HSD17B11: variants seen among roughly 807,000 people sequenced by gnomAD.
HSD17B11 encodes the protein hydroxysteroid 17-beta dehydrogenase 11.
A neutral mutation model predicts 27.8 loss-of-function variants in HSD17B11; 22 were observed. The ratio of observed to expected loss-of-function variants is 0.79; its 90% confidence interval spans 0.56 to 1.13. The LOEUF is 1.13. Among genes scored for constraint, HSD17B11 ranks in the 50% most tolerant of loss-of-function variants. HSD17B11 has a pLI of 0.00. For missense variants in HSD17B11, 314 were observed against 351.1 expected (o/e 0.89, Z 0.84); for synonymous variants, 117 against 132.8 (o/e 0.88, Z 0.82).
chr4:87,380,970 C>G (rs1453109063), intron 2 of HSD17B11, among the ~76,000 whole-genome samples: 1 of 150,370 alleles, frequency 6.7e-6, no homozygotes, highest in African/African-American at 2.4e-5. Flanking sequence ...CACTTGAGGT[C>G]AGGAGTTCCA....
chr4:87,383,003 A>C (rs1720215071), intron 1 of HSD17B11, among the ~76,000 whole-genome samples: 1 of 152,238 alleles, frequency 6.6e-6, no homozygotes, highest in African/African-American at 2.4e-5. Flanking sequence ...CATTGTGATG[A>C]GTATCACAGC....
Position 87,378,942 on chromosome 4 carries a change from ATATATTTATATATATATATT to A in HSD17B11, c.318+3293_318+3312del, listed in dbSNP as rs1560769622. ...TAAATATATATAAATATATATATAT[ATATATTTATATATATATATT>A]TTTTTTTTTTTTTGAGATGGTGTCT... On this transcript the variant is annotated intron_variant, in intron 2 of 6. Transcript: ENST00000358290. Among the ~76,000 whole-genome samples, 14 of 19,232 alleles carry A rather than the reference ATATATTTATATATATATATT, an allele frequency of 7.3e-4. No individual in the cohort carries two copies. The East Asian group carries it at 0.012, about 16-fold the overall frequency. The allele number at this position is 19,232 out of a possible 152,430, so 12.6% of individuals were successfully genotyped here.
chr4:87,338,839 G>A (rs1316492713), intron 6 of HSD17B11, among the ~76,000 whole-genome samples: 1 of 152,132 alleles, frequency 6.6e-6, no homozygotes, highest in African/African-American at 2.4e-5. Flanking sequence ...GCCCAGCCCT[G>A]AGTACTTTAA....
chr4:87,354,863 G>A (rs1219860234), intron 5 of HSD17B11, among the ~76,000 whole-genome samples: 3 of 150,116 alleles, frequency 2.0e-5, no homozygotes, highest in Non-Finnish European at 4.4e-5. Context: ...TTATAATCTT[G>A]GCACTTTGGG....
intron 6 of HSD17B11, among the ~76,000 whole-genome samples, chr4:87,339,647 A>T (rs1490690424): frequency 6.6e-6 from 1 of 152,214 alleles, no homozygotes; most frequent in African/African-American, 2.4e-5. Context: ...ATTGCCACAC[A>T]GCTTTCCCAG....
At chr4:87,339,188 A>G (rs1735117521) in intron 6 of HSD17B11, among the ~76,000 whole-genome samples, 2 of 152,234 alleles carry the variant, frequency 1.3e-5, no homozygotes, top group African/African-American at 4.8e-5. Context: ...CACTGAGTGC[A>G]TACTTACGTA....
In HSD17B11 at chr4:87,353,147, T is replaced by C. The variant is rs927958030; in HGVS notation, c.695+4132A>G. On this transcript the variant is annotated intron_variant, in intron 5 of 6. Coordinates refer to ENST00000358290, the MANE Select transcript of HSD17B11 (RefSeq NM_016245.5). ...ATTCGGCCATCTTGGCTCCTCCCTC[T>C]AGTATTCTGGATTTTTAACAGCAAA... Among the ~76,000 whole-genome samples the C allele has an allele frequency of 6.9e-5, 10 of 145,288 alleles. 1 individual carries two copies. The highest frequency in any genetic ancestry group is 2.2e-4 in the African/African-American group (8 of 36,798).
At position 87,383,035 on chromosome 4, in the gene HSD17B11, C is replaced by T. The variant is rs1412439063; in HGVS notation, c.211-673G>A. ...CAGCAGAGTTCTATACAGGGAGTTA[C>T]GGGAACACAGAGGGGCACACAATAC... is the stretch of plus-strand genomic sequence containing the variant. On this transcript the variant is annotated intron_variant, in intron 1 of 6. Coordinates refer to ENST00000358290, the MANE Select transcript of HSD17B11 (RefSeq NM_016245.5). Among the ~76,000 whole-genome samples the T allele has an allele frequency of 4.6e-5, 7 of 152,236 alleles. No homozygotes were observed. In the East Asian group the frequency reaches 5.8e-4, roughly 13 times the overall value.
chr4:87,374,597 A>C (rs1181777296), intron 3 of HSD17B11, 102 bp downstream of exon 3: 7 of 1,138,624 alleles, frequency 6.1e-6, no homozygotes, highest in Non-Finnish European at 8.8e-6. Flanking sequence ...GCCTGGAGAA[A>C]ACTTTAGCAT....
At chr4:87,385,871 T>C (rs1405311113) in intron 1 of HSD17B11, 1 of 150,632 alleles carries the variant, frequency 6.6e-6, no homozygotes, top group East Asian at 1.9e-4. Context: ...GCCAAGATTT[T>C]GCCACCGCAC....
rs1720007616 is a variant in HSD17B11, at chr4:87,378,851, T to TAG, written c.318+3403_318+3404insCT. ...ATATAAATATATATATATAAATATATATATAAATATATATAAATATATATA... is the reference window on the plus strand; with the variant it reads ...ATATAAATATATATATATAAATATATAGATATAAATATATATAAATATATATA... On this transcript the variant is annotated intron_variant, in intron 2 of 6. Transcript: ENST00000358290. 8.6e-5 allele frequency among the ~76,000 whole-genome samples: 2 copies of TAG among 23,232 alleles called. 1 individual carries two copies. The highest frequency in any genetic ancestry group is 1.6e-4 in the Non-Finnish European group (2 of 12,504). 15.2% of individuals were successfully genotyped at this position (23,232 alleles called of 152,430 possible).
intron 1 of HSD17B11, among the ~76,000 whole-genome samples, chr4:87,388,636 AT>A (rs1720378942): frequency 6.6e-6 from 1 of 151,744 alleles, no homozygotes; most frequent in Non-Finnish European, 1.5e-5. Context: ...TTCACCTTTT[AT>A]TTTTTTCTTT....
At chr4:87,345,693 A>G (rs933624928) in intron 5 of HSD17B11, among the ~76,000 whole-genome samples, 2 of 152,160 alleles carry the variant, frequency 1.3e-5, no homozygotes, top group Non-Finnish European at 2.9e-5. Context: ...CATGCCAACA[A>G]ATTAGAAACC....
In HSD17B11 at chr4:87,337,119, G is replaced by A; in HGVS notation, c.*157C>T. 4.6e-6 allele frequency: 3 copies of A among 654,370 alleles called. No individual in the cohort carries two copies. The highest frequency in any genetic ancestry group is 8.2e-6 in the Non-Finnish European group (3 of 364,962). The allele number at this position is 654,370 out of a possible 1,614,324, so 40.5% of individuals were successfully genotyped here. A position where few individuals can be genotyped will look rare whatever the true frequency, so the allele number is the denominator to read the frequency against. ...CATATGTAATCAGCTTTTGGCTAAA[G>A]AACAAGTGGTAGTAAATGAAGACTG... On this transcript the variant is annotated 3_prime_UTR_variant, in exon 7 of 7. Coordinates refer to ENST00000358290, the MANE Select transcript of HSD17B11 (RefSeq NM_016245.5).
At chr4:87,372,674 A>G (rs1735740932) in intron 4 of HSD17B11, 35 bp downstream of exon 4, 3 of 1,283,006 alleles carry the variant, frequency 2.3e-6, no homozygotes, top group African/African-American at 1.5e-5. Flanking sequence ...CAAGGTAGGC[A>G]TAAGAACCAA....
At chr4:87,363,130 A>T (rs58360495) in intron 4 of HSD17B11, among the ~76,000 whole-genome samples, 27,962 of 151,510 alleles carry the variant, frequency 0.18, 2,892 homozygotes, top group African/African-American at 0.27. Context: ...GAAAAAAAAA[A>T]TTTTTTTCCT....
At chr4:87,340,311 G>T in intron 6 of HSD17B11, 179 bp downstream of exon 6, 3 of 374,210 alleles carry the variant, frequency 8.0e-6, no homozygotes, top group East Asian at 4.3e-5. Flanking sequence ...GAAATTACTC[G>T]GTTCATTTAC....
At chr4:87,382,181 G>A (rs1322883550) in intron 2 of HSD17B11, 74 bp downstream of exon 2, 4 of 1,078,620 alleles carry the variant, frequency 3.7e-6, no homozygotes, top group South Asian at 1.3e-5. Context: ...TCTATATCAT[G>A]TACAGACTGG....
intron 2 of HSD17B11, among the ~76,000 whole-genome samples, chr4:87,378,252 T>A (rs933188175): frequency 1.8e-4 from 28 of 152,324 alleles, no homozygotes; most frequent in African/African-American, 6.5e-4. Context: ...CAAAGGATTT[T>A]CCCAGACACT....
Sources: gnomAD v4.1 joint callset for allele counts (sites outside exome capture counted in the v4.1 genomes callset) on GRCh38, gnomAD v4.1.1 for gene constraint, MANE v1.5 for transcripts, NCBI Gene and HGNC (gene_info 2026-07-23, HGNC 2026-07-21) for gene names.